Variants in KCTD10 observed in about 807,000 individuals in gnomAD.
KCTD10 encodes BTB/POZ domain-containing adapter for CUL3-mediated RhoA degradation protein 3.
In KCTD10, 13 loss-of-function variants were observed where a neutral mutation model predicts 34.6. That is an observed-to-expected ratio of 0.38 (90% CI 0.24 to 0.60). KCTD10 has a LOEUF of 0.60. Among genes scored for constraint, KCTD10 ranks in the 20% least tolerant of loss-of-function variants. The pLI is 0.66. For missense variants in KCTD10, 256 were observed against 420.3 expected (o/e 0.61, Z 3.42); for synonymous variants, 156 against 168.8 (o/e 0.92, Z 0.59).
chr12:109,451,590 C>T lies in KCTD10; in HGVS notation c.*5G>A. 6.2e-7 allele frequency: 1 copy of T among 1,602,180 alleles called. No homozygotes were observed. The highest frequency in any genetic ancestry group is 1.3e-5 in the African/African-American group (1 of 74,894). On this transcript the variant is annotated 3_prime_UTR_variant, in exon 7 of 7. Coordinates refer to ENST00000228495, the MANE Select transcript of KCTD10 (RefSeq NM_031954.5). The surrounding 1 kb of genome is among the most constrained non-coding windows in gnomAD (Gnocchi z 5.0). The stretch of plus-strand genomic sequence containing the variant: ...GAGAGGAGGGCGGCTCGGTCTCTTG[C>T]CTGCTCACTGGTGGAGGTGGGCCCG...
chr12:109,457,521 G>C, intron 5 of KCTD10, 109 bp downstream of exon 5: 2 of 871,770 alleles, frequency 2.3e-6, no homozygotes, highest in Non-Finnish European at 3.9e-6. Flanking sequence ...AGGCAGAGAG[G>C]TACAGAGGGG....
rs765751713 is a variant in KCTD10, at chr12:109,451,772, G to A, written c.765C>T (p.Asn255=). The change falls in exon 7 of 7, where the codon AAC becomes AAT. Residue 255 remains asparagine (N), a synonymous_variant. Transcript: ENST00000228495. The surrounding 1 kb of genome is among the most constrained non-coding windows in gnomAD (Gnocchi z 5.0). ...CATCCTGGGCCTCATACAGCAAAAT[G>A]TTCAGGGTCTCCTCATAAATCCGGG... ...PEARIYEETL[N]ILLYEAQDGR... 5 of 1,614,096 alleles carry A rather than the reference G, an allele frequency of 3.1e-6. No individual in the cohort carries two copies. The highest frequency in any genetic ancestry group is 1.1e-5 in the South Asian group (1 of 91,056).
chr12:109,477,178 C>G (rs1230630851), intron 1 of KCTD10, 82 bp downstream of exon 1: 12 of 1,569,498 alleles, frequency 7.6e-6, no homozygotes, highest in Non-Finnish European at 9.6e-6. Context: ...ACCCCCTCCT[C>G]TCGGTCCCTT....
Sources: gnomAD v4.1 joint callset for allele counts on GRCh38, gnomAD v4.1.1 for gene constraint, Gnocchi (gnomAD v3.1) non-coding constraint, MANE v1.5 for transcripts, NCBI Gene and HGNC (gene_info 2026-07-23, HGNC 2026-07-21) for gene names.